PDE1C: variants seen among roughly 807,000 people sequenced by gnomAD.
PDE1C encodes the protein phosphodiesterase 1C, also known as dual specificity calcium/calmodulin-dependent 3',5'-cyclic nucleotide phosphodiesterase 1C.
Under a neutral mutation model 93.1 loss-of-function variants are expected in PDE1C, and 62 were observed. The ratio of observed to expected loss-of-function variants is 0.67; its 90% CI spans 0.54 to 0.82. The LOEUF (loss-of-function observed/expected upper bound fraction) is 0.82. Ranked by LOEUF, PDE1C falls within the 40% of genes least tolerant of loss-of-function variation. The probability of loss-of-function intolerance (pLI) is 0.00; values close to 1 mark genes in which losing one functional copy is unlikely to be tolerated. For missense variants in PDE1C, 742 were observed against 884.6 expected, an observed-to-expected ratio of 0.84 and a Z score of 2.04; for synonymous variants, 325 against 310.1, an observed-to-expected ratio of 1.05 and a Z score of -0.50.
At chr7:32,098,524 A>G (rs1797886716) in intron 3 of PDE1C, among the ~76,000 whole-genome samples, 1 of 152,208 alleles carries the variant, frequency 6.6e-6, no homozygotes, top group Non-Finnish European at 1.5e-5. Flanking sequence ...AAGCCACATC[A>G]AATCCTTCGT....
intron 3 of PDE1C, among the ~76,000 whole-genome samples, chr7:32,134,740 A>T (rs1800107779): frequency 6.6e-6 from 1 of 152,112 alleles, no homozygotes. Context: ...GGGGAACATC[A>T]CACACCAGAG....
intron 3 of PDE1C, among the ~76,000 whole-genome samples, chr7:32,080,448 A>G (rs148673234): frequency 3.6e-3 from 553 of 152,318 alleles, no homozygotes; most frequent in Non-Finnish European, 5.8e-3. Context: ...TCAGACATGG[A>G]CACAAACTTG....
chr7:32,057,584 T>G (rs1794294404), intron 1 of PDE1C, among the ~76,000 whole-genome samples: 1 of 152,202 alleles, frequency 6.6e-6, no homozygotes, highest in South Asian at 2.1e-4. Context: ...GGCAGTGTCA[T>G]AAAGTGGAAG....
the PDE1C span, among the ~76,000 whole-genome samples, chr7:31,666,619 G>T: frequency 6.6e-6 from 1 of 152,094 alleles, no homozygotes. Flanking sequence ...GGTTATTGAG[G>T]TATAAGTCAC....
chr7:32,001,988 G>A lies in PDE1C; in HGVS notation c.128+49566C>T, dbSNP rs879856872. 5.6e-4 allele frequency among the ~76,000 whole-genome samples: 85 copies of A among 152,242 alleles called. 1 individual carries two copies. Among genetic ancestry groups the A allele is most frequent in the Middle Eastern group, 3.4e-3 (1 of 294 alleles). On this transcript the variant is annotated intron_variant, in intron 2 of 17. Coordinates refer to ENST00000396191, the MANE Select transcript of PDE1C (RefSeq NM_001191057.4). ...GCAGGAGAATCACTTGAACCCAGGAGGTGGAGGTTGCAGTGAGCTGAGATC... is the reference window on the plus strand; with the variant it reads ...GCAGGAGAATCACTTGAACCCAGGAAGTGGAGGTTGCAGTGAGCTGAGATC...
rs746257007 is a variant in PDE1C at position 31,879,026 on chromosome 7, T to C, written c.395A>G (p.His132Arg). Reference sequence around the variant, plus strand: ...CACAAATATCCCAGCCTGCACTGCGTGAACGATGCTCTTGAACCGGGGCTT... The same window carrying C: ...CACAAATATCCCAGCCTGCACTGCGCGAACGATGCTCTTGAACCGGGGCTT... ...DEKPRFKSIV[H>R]AVQAGIFVER... The change falls in exon 4 of 18, where the codon CAC becomes CGC. Residue 132 changes from histidine to arginine, a missense_variant. This residue lies in a region of PDE1C where 205 missense variants were observed against 295.3 expected (regional missense o/e 0.69). Transcript: ENST00000396191. The C allele has an allele frequency of 3.1e-6, 5 of 1,614,164 alleles. No individual in the cohort carries two copies. The South Asian group carries it at 5.5e-5, about 18-fold the overall frequency.
At chr7:31,903,336 T>C (rs1346482354) in intron 2 of PDE1C, among the ~76,000 whole-genome samples, 1 of 151,974 alleles carries the variant, frequency 6.6e-6, no homozygotes, top group Non-Finnish European at 1.5e-5. Context: ...AAACTTTTAG[T>C]AAATTATAAT....
chr7:31,914,155 C>G (rs969422342), intron 2 of PDE1C, among the ~76,000 whole-genome samples: 5 of 152,146 alleles, frequency 3.3e-5, no homozygotes, highest in African/African-American at 1.2e-4. Flanking sequence ...GTTTCAAAGT[C>G]AATTTTATAT....
At chr7:32,376,938 C>T (rs1338317734) in intron 1 of PDE1C, among the ~76,000 whole-genome samples, 10 of 152,108 alleles carry the variant, frequency 6.6e-5, no homozygotes, top group Admixed American at 3.9e-4. Context: ...CCGCCAGCCT[C>T]GGCCTCCCAC....
chr7:32,117,421 T>C (rs538863468), intron 3 of PDE1C, among the ~76,000 whole-genome samples: 6 of 152,242 alleles, frequency 3.9e-5, no homozygotes, highest in Non-Finnish European at 7.3e-5. Context: ...GGCTCTTCTA[T>C]AGGTAATAAA....
chr7:31,758,067 T>C (rs562027801), intron 17 of PDE1C, among the ~76,000 whole-genome samples: 3 of 152,318 alleles, frequency 2.0e-5, no homozygotes, highest in East Asian at 1.9e-4. Flanking sequence ...AAACACTGCA[T>C]GTTCTTAGTC....
intron 2 of PDE1C, among the ~76,000 whole-genome samples, chr7:31,956,884 G>C (rs2129023813): frequency 6.6e-6 from 1 of 152,150 alleles, no homozygotes; most frequent in African/African-American, 2.4e-5. Flanking sequence ...ACAGGTCTCA[G>C]CTACCTGTTT....
chr7:32,405,237 T>G (rs1785028711), intron 1 of PDE1C, among the ~76,000 whole-genome samples: 1 of 136,220 alleles, frequency 7.3e-6, no homozygotes, highest in East Asian at 2.3e-4. Context: ...GATAATTAAC[T>G]TATTTTTTCT....
chr7:32,039,109 T>A (rs1351781030), intron 2 of PDE1C, among the ~76,000 whole-genome samples: 3 of 152,152 alleles, frequency 2.0e-5, no homozygotes, highest in Admixed American at 1.3e-4. Flanking sequence ...CATTCCCAAA[T>A]AGTAGCATTA....
chr7:31,647,693 A>G, the PDE1C span, among the ~76,000 whole-genome samples: 236 of 67,368 alleles, frequency 3.5e-3, no homozygotes, highest in African/African-American at 0.012. Context: ...AAAAAAAAAA[A>G]AAGAAGAGGA....
chr7:31,670,520 C>T, the PDE1C span, among the ~76,000 whole-genome samples: 1 of 152,152 alleles, frequency 6.6e-6, no homozygotes, highest in African/African-American at 2.4e-5. Flanking sequence ...ATGCCCCTAA[C>T]CCCTTTAAAT....
the PDE1C span, among the ~76,000 whole-genome samples, chr7:31,744,568 G>A: frequency 4.6e-5 from 7 of 152,014 alleles, no homozygotes; most frequent in Admixed American, 6.6e-5. Context: ...AATTTTTTGC[G>A]TGCCTATGGA....
chr7:31,822,358 A>G (rs1042586157), intron 14 of PDE1C, among the ~76,000 whole-genome samples: 2 of 152,094 alleles, frequency 1.3e-5, no homozygotes, highest in Non-Finnish European at 2.9e-5. Context: ...CCTGTGCACA[A>G]GGGCATCTCT....
At chr7:32,168,417 G>A (rs1285578292) in intron 3 of PDE1C, among the ~76,000 whole-genome samples, 1 of 152,170 alleles carries the variant, frequency 6.6e-6, no homozygotes, top group Admixed American at 6.5e-5. Context: ...TTTCATGAGA[G>A]TAACTCTTTG....
Sources: gnomAD v4.1 joint callset for allele counts (sites outside exome capture counted in the v4.1 genomes callset) on GRCh38, gnomAD v4.1.1 for gene constraint, gnomAD v4.1.1 regional missense constraint, MANE v1.5 for transcripts, NCBI Gene and HGNC (gene_info 2026-07-23, HGNC 2026-07-21) for gene names.